ZFHX3: variants seen among roughly 807,000 people sequenced by gnomAD.
ZFHX3 encodes zinc finger homeobox 3, also known as zinc finger homeobox protein 3.
A neutral mutation model predicts 279.1 loss-of-function variants in ZFHX3; 42 were observed. That is an observed-to-expected ratio of 0.15 (90% CI 0.12 to 0.19). The LOEUF is 0.19. Ranked by LOEUF, ZFHX3 falls within the 10% of genes least tolerant of loss-of-function variation. The pLI is 1.00. For missense variants in ZFHX3, 4,981 were observed against 4,754.0 expected (o/e 1.05, Z -1.40); for synonymous variants, 2,293 against 1,957.8 (o/e 1.17, Z -4.52).
intron 2 of ZFHX3, among the ~76,000 whole-genome samples, chr16:73,529,847 G>C (rs968579516): frequency 3.3e-5 from 5 of 152,192 alleles, no homozygotes; most frequent in African/African-American, 1.2e-4. Flanking sequence ...CATAGGCTGT[G>C]TGATGACGCG....
intron 3 of ZFHX3, among the ~76,000 whole-genome samples, chr16:72,911,497 G>C (rs1376152664): frequency 6.6e-6 from 1 of 152,128 alleles, no homozygotes; most frequent in Non-Finnish European, 1.5e-5. Flanking sequence ...GAATGCAGTG[G>C]CGAAATCAGT....
chr16:73,107,355 C>A (rs916212208), intron 7 of ZFHX3, among the ~76,000 whole-genome samples: 4 of 151,980 alleles, frequency 2.6e-5, no homozygotes. Flanking sequence ...AAAATTGATT[C>A]CTCTTTAGTT....
At chr16:73,550,862 C>T (rs2020192950) in intron 2 of ZFHX3, among the ~76,000 whole-genome samples, 1 of 152,218 alleles carries the variant, frequency 6.6e-6, no homozygotes, top group East Asian at 1.9e-4. Flanking sequence ...TTTTGTATTA[C>T]CAAACATCAA....
At chr16:72,896,940 G>A (rs8064065) in intron 3 of ZFHX3, among the ~76,000 whole-genome samples, 10,144 of 152,278 alleles carry the variant, frequency 0.067, 440 homozygotes, top group East Asian at 0.15. Flanking sequence ...AGACACACCC[G>A]TGGCCGCCCT....
chr16:73,227,480 T>A (rs1314664358), intron 5 of ZFHX3, among the ~76,000 whole-genome samples: 1 of 152,160 alleles, frequency 6.6e-6, no homozygotes, highest in East Asian at 1.9e-4. Flanking sequence ...TAGAAGATAA[T>A]TTAATTTTTT....
intron 1 of ZFHX3, among the ~76,000 whole-genome samples, chr16:73,888,556 T>C (rs764788421): frequency 2.6e-4 from 39 of 152,316 alleles, no homozygotes; most frequent in Admixed American, 5.2e-4. Flanking sequence ...CTTTATCTAA[T>C]TGAACTACAG....
At chr16:72,827,045 A>G (rs1045822160) in intron 5 of ZFHX3, among the ~76,000 whole-genome samples, 6 of 152,252 alleles carry the variant, frequency 3.9e-5, no homozygotes, top group African/African-American at 1.4e-4. Flanking sequence ...AGCATAAGGC[A>G]GCACATAGAG....
intron 5 of ZFHX3, among the ~76,000 whole-genome samples, chr16:73,152,584 C>T (rs1398765622): frequency 6.7e-6 from 1 of 149,814 alleles, no homozygotes; most frequent in African/African-American, 2.5e-5. Context: ...AACACCCAAA[C>T]TTTGTATACA....
At chr16:72,877,590 C>T (rs187806062) in intron 4 of ZFHX3, among the ~76,000 whole-genome samples, 17 of 152,234 alleles carry the variant, frequency 1.1e-4, no homozygotes, top group African/African-American at 3.1e-4. Context: ...GTAGTAGAGA[C>T]GACTCGTCCT....
At chr16:73,789,503 A>G (rs958577965) in intron 1 of ZFHX3, among the ~76,000 whole-genome samples, 2 of 152,258 alleles carry the variant, frequency 1.3e-5, no homozygotes, top group African/African-American at 4.8e-5. Context: ...AAACTTCATG[A>G]CATAACTGAT....
At chr16:72,826,550 T>C (rs1024552052) in intron 5 of ZFHX3, among the ~76,000 whole-genome samples, 4 of 151,924 alleles carry the variant, frequency 2.6e-5, no homozygotes, top group Admixed American at 6.6e-5. Context: ...TCAGAGGAGG[T>C]TGCTGGCACC....
intron 5 of ZFHX3, among the ~76,000 whole-genome samples, chr16:73,226,469 C>T (rs577887515): frequency 6.6e-6 from 1 of 152,362 alleles, no homozygotes; most frequent in East Asian, 1.9e-4. Flanking sequence ...CAAGTACGGG[C>T]TCATGAGAGG....
intron 1 of ZFHX3, among the ~76,000 whole-genome samples, chr16:72,999,796 A>G (rs1054914714): frequency 2.0e-5 from 3 of 152,212 alleles, no homozygotes; most frequent in Non-Finnish European, 2.9e-5. Context: ...TCTTCACACC[A>G]TAAGTACATA....
chr16:73,549,681 C>G (rs997580862), intron 2 of ZFHX3, among the ~76,000 whole-genome samples: 2 of 152,154 alleles, frequency 1.3e-5, no homozygotes, highest in Non-Finnish European at 2.9e-5. Context: ...ATGGTTTTGT[C>G]AAAATCCCAG....
At chr16:73,770,890 T>C (rs940466996) in intron 1 of ZFHX3, among the ~76,000 whole-genome samples, 1 of 152,126 alleles carries the variant, frequency 6.6e-6, no homozygotes, top group African/African-American at 2.4e-5. Context: ...ATAAATACCA[T>C]TATGTGTTAG....
chr16:73,660,654 G>A (rs2052772499), intron 2 of ZFHX3, among the ~76,000 whole-genome samples: 1 of 151,888 alleles, frequency 6.6e-6, no homozygotes, highest in Admixed American at 6.6e-5. Flanking sequence ...GAAATCTGTA[G>A]CCCCACGAGA....
intron 3 of ZFHX3, among the ~76,000 whole-genome samples, chr16:73,403,581 T>C (rs961784003): frequency 6.6e-6 from 1 of 152,118 alleles, no homozygotes; most frequent in African/African-American, 2.4e-5. Flanking sequence ...CAAAAGGTGC[T>C]TTCTTACTGG....
intron 2 of ZFHX3, among the ~76,000 whole-genome samples, chr16:73,480,891 A>G (rs930510253): frequency 1.3e-5 from 2 of 152,202 alleles, no homozygotes; most frequent in African/African-American, 4.8e-5. Context: ...ATCAAGTTTA[A>G]TGAACTAAAT....
intron 4 of ZFHX3, among the ~76,000 whole-genome samples, chr16:72,885,133 G>A (rs77726422): frequency 6.6e-6 from 1 of 152,194 alleles, no homozygotes; most frequent in African/African-American, 2.4e-5. Flanking sequence ...GGTAGGGGTG[G>A]AAAAGTGTAA....
Sources: allele counts gnomAD v4.1 joint callset (sites outside exome capture counted in the v4.1 genomes callset), GRCh38; gene constraint gnomAD v4.1.1; transcripts MANE v1.5; gene names NCBI Gene and HGNC (gene_info 2026-07-23, HGNC 2026-07-21).